CAPN2: variants seen among roughly 807,000 people sequenced by gnomAD.
CAPN2 encodes the protein calpain-2 catalytic subunit.
Under a neutral mutation model 102.3 loss-of-function variants are expected in CAPN2, and 92 were observed. The ratio of observed to expected loss-of-function variants is 0.90; its 90% CI spans 0.76 to 1.07. CAPN2 has a LOEUF of 1.07. Among genes scored for constraint, CAPN2 ranks in the 50% least tolerant of loss-of-function variants. The pLI, the probability that CAPN2 is intolerant of heterozygous loss-of-function variation, is 0.00. For missense variants in CAPN2, 800 were observed against 909.4 expected, an observed-to-expected ratio of 0.88 and a Z score of 1.55; for synonymous variants, 340 against 355.4, an observed-to-expected ratio of 0.96 and a Z score of 0.49.
At chr1:223,712,982 T>G (rs1041638888) in intron 1 of CAPN2, 105 bp downstream of exon 1, 7 of 797,500 alleles carry the variant, frequency 8.8e-6, no homozygotes. Context: ...GGTGCTGCAG[T>G]GGGGAAGCCG....
At chr1:223,716,774 G>A (rs975134607) in intron 1 of CAPN2, among the ~76,000 whole-genome samples, 4 of 151,910 alleles carry the variant, frequency 2.6e-5, no homozygotes, top group East Asian at 3.9e-4. Flanking sequence ...CTTCAGAATC[G>A]AAACACACTC....
rs1660981234 is a variant in CAPN2, at chr1:223,754,514, A to C, written c.1136-966A>C. ...AATGGCCGTGGCTACGTTCCAATAAAACGTTATTTACAAAAACAGGCAGCG... is the reference window on the plus strand; with the variant it reads ...AATGGCCGTGGCTACGTTCCAATAACACGTTATTTACAAAAACAGGCAGCG... On this transcript the variant is annotated intron_variant, in intron 9 of 20. Transcript: ENST00000295006. The surrounding 1 kb of genome is among the most constrained non-coding windows in gnomAD (Gnocchi z 4.7). Among the ~76,000 whole-genome samples, 1 of 152,230 alleles carries C rather than the reference A, an allele frequency of 6.6e-6. No homozygotes were observed. Among genetic ancestry groups the C allele is most frequent in the Admixed American group, 6.5e-5 (1 of 15,282 alleles).
intron 18 of CAPN2, chr1:223,771,542 C>T: frequency 2.5e-6 from 1 of 397,452 alleles, no homozygotes. Flanking sequence ...CATGAAGCAA[C>T]TGTGACCATG....
In CAPN2 at chr1:223,771,581, T is replaced by C. The variant is rs1661471698; in HGVS notation, c.1904-228T>C. On this transcript the variant is annotated intron_variant, in intron 18 of 20. Transcript: ENST00000295006. ...ACAGAAACAGGCAAGAAAACACTTA[T>C]GTGTCAGCAAAGGACACAGGCAGGG... The C allele has an allele frequency of 1.0e-5, 5 of 497,802 alleles. 1 individual carries two copies. Among genetic ancestry groups the C allele is most frequent in the South Asian group, 8.5e-5 (3 of 35,354 alleles). The allele number at this position is 497,802 out of a possible 1,614,324, so 30.8% of individuals were successfully genotyped here. A position where few individuals can be genotyped will look rare whatever the true frequency, so the allele number is the denominator to read the frequency against.
In CAPN2 at chr1:223,725,677, CA is replaced by C. The variant is rs201777616; in HGVS notation, c.307+7847del. Among the ~76,000 whole-genome samples, 251 of 152,232 alleles carry C rather than the reference CA, an allele frequency of 1.6e-3. 1 individual carries two copies. In the East Asian group the frequency reaches 0.017, roughly 11 times the overall value. On this transcript the variant is annotated intron_variant, in intron 2 of 20. Coordinates refer to ENST00000295006, the MANE Select transcript of CAPN2 (RefSeq NM_001748.5). The surrounding 1 kb of genome is among the most constrained non-coding windows in gnomAD (Gnocchi z 4.1). ...GGGTATGACAGAGGAGGTGGTGTCC[CA>C]GGGGGAAGGTCCGGAAACTCAGAGG... is the stretch of plus-strand genomic sequence containing the variant.
chr1:223,772,576 A>G (rs761514282), intron 20 of CAPN2: 12 of 262,138 alleles, frequency 4.6e-5, no homozygotes, highest in African/African-American at 6.6e-5. Context: ...GTTTATATAA[A>G]GAAATCCTTC....
At chr1:223,709,385 G>T (rs1433706823), upstream of CAPN2, among the ~76,000 whole-genome samples, 1 of 152,168 alleles carries the variant, frequency 6.6e-6, no homozygotes, top group Non-Finnish European at 1.5e-5. Flanking sequence ...TTTCGGCAGG[G>T]TGCAGTGGCT....
At chr1:223,774,317 G>A (rs1006300573) in intron 20 of CAPN2, among the ~76,000 whole-genome samples, 3 of 152,134 alleles carry the variant, frequency 2.0e-5, no homozygotes, top group African/African-American at 7.2e-5. Flanking sequence ...TTGCAAGGAT[G>A]AGCCATGTTC....
intron 8 of CAPN2, among the ~76,000 whole-genome samples, chr1:223,752,462 C>A (rs1269719643): frequency 6.6e-6 from 1 of 152,228 alleles, no homozygotes; most frequent in Non-Finnish European, 1.5e-5. Flanking sequence ...GTGTCTGCGC[C>A]ACTCTATAAC....
intron 9 of CAPN2, among the ~76,000 whole-genome samples, chr1:223,753,237 G>A (rs1211250172): frequency 1.3e-5 from 2 of 152,000 alleles, no homozygotes; most frequent in South Asian, 2.1e-4. Context: ...ATTCCCCAGC[G>A]CCCATCATGA....
chr1:223,704,499 C>CA (rs1659557192), intron 1 of CAPN2, among the ~76,000 whole-genome samples: 1 of 152,170 alleles, frequency 6.6e-6, no homozygotes, highest in African/African-American at 2.4e-5. Context: ...TTGTCAGCAA[C>CA]GTTTTCCCTA....
chr1:223,722,337 A>G (rs2186005), intron 2 of CAPN2, among the ~76,000 whole-genome samples: 138,285 of 140,098 alleles, frequency 0.99, 68,264 homozygotes, highest in East Asian at 1. Context: ...GCCCAGACTA[A>G]AGTGCAGTAA....
At chr1:223,774,389 A>G (rs1012018707) in intron 20 of CAPN2, among the ~76,000 whole-genome samples, 1 of 152,110 alleles carries the variant, frequency 6.6e-6, no homozygotes, top group Non-Finnish European at 1.5e-5. Context: ...TCACATGGGG[A>G]GCTTTGCCAA....
chr1:223,745,618 A>G (rs185364009), intron 4 of CAPN2, among the ~76,000 whole-genome samples, 179 bp downstream of exon 4: 1 of 152,322 alleles, frequency 6.6e-6, no homozygotes, highest in Non-Finnish European at 1.5e-5. Context: ...TAAAAATATA[A>G]AAATCAGTAG....
chr1:223,712,085 A>G (rs1214710137), upstream of CAPN2, among the ~76,000 whole-genome samples: 3 of 152,192 alleles, frequency 2.0e-5, no homozygotes, highest in East Asian at 1.9e-4. Context: ...AATGGGGACA[A>G]TATCAGCGCC....
chr1:223,733,470 A>G (rs2102786817), intron 2 of CAPN2, among the ~76,000 whole-genome samples: 1 of 152,224 alleles, frequency 6.6e-6, no homozygotes, highest in African/African-American at 2.4e-5. Flanking sequence ...GAATGAATTT[A>G]TCTTTTCAGT....
At chr1:223,709,240 G>C (rs117427748), upstream of CAPN2, among the ~76,000 whole-genome samples, 120 of 152,326 alleles carry the variant, frequency 7.9e-4, no homozygotes, top group African/African-American at 2.7e-3. Flanking sequence ...GTCAAGCAAA[G>C]GGGGTAAGCA....
At chr1:223,724,936 G>A (rs1660149902) in intron 2 of CAPN2, among the ~76,000 whole-genome samples, 1 of 152,178 alleles carries the variant, frequency 6.6e-6, no homozygotes, top group Non-Finnish European at 1.5e-5. Context: ...ATTGCACCAT[G>A]ACATTCTAGC....
intron 4 of CAPN2, 82 bp from the exon 5 acceptor site, chr1:223,746,915 A>C: frequency 8.1e-7 from 1 of 1,240,160 alleles, no homozygotes; most frequent in Non-Finnish European, 1.1e-6. Flanking sequence ...TCAAATCTAG[A>C]CGGTACTAGG....
Sources: allele counts gnomAD v4.1 joint callset (sites outside exome capture counted in the v4.1 genomes callset), GRCh38; gene constraint gnomAD v4.1.1; non-coding constraint Gnocchi (gnomAD v3.1); transcripts MANE v1.5; gene names NCBI Gene and HGNC (gene_info 2026-07-23, HGNC 2026-07-21).